The following TTC33 variants were observed in gnomAD, a reference collection of about 807,000 sequenced individuals.
TTC33 encodes the protein tetratricopeptide repeat protein 33.
TTC33 carries 24 observed loss-of-function variants against 29.4 expected under a neutral mutation model. That is an observed-to-expected ratio of 0.82 (90% CI 0.59 to 1.15). The LOEUF (loss-of-function observed/expected upper bound fraction) is 1.15, where lower values mean the gene tolerates loss of function less well. Ranked by LOEUF, TTC33 falls within the 50% of genes most tolerant of loss-of-function variation. The pLI is 0.00. For missense variants in TTC33, 286 were observed against 310.4 expected (o/e 0.92, Z 0.59); for synonymous variants, 107 against 100.3 (o/e 1.07, Z -0.40).
In TTC33 at chr5:40,722,014, A is replaced by T. The variant is rs981176369; in HGVS notation, c.436-5516T>A. The stretch of plus-strand genomic sequence containing the variant: ...ACATTTCTCTAAATGGCTAACAGGT[A>T]TATGAAAAGATGCTCAATATCACTA... On this transcript the variant is annotated intron_variant, in intron 4 of 4. Transcript: ENST00000337702. Among the ~76,000 whole-genome samples, 3 of 152,228 alleles carry T rather than the reference A, an allele frequency of 2.0e-5. 1 individual carries two copies. Among genetic ancestry groups the T allele is most frequent in the African/African-American group, 7.2e-5 (3 of 41,458 alleles).
At chr5:40,732,465 T>C (rs1742454059) in intron 2 of TTC33, among the ~76,000 whole-genome samples, 4 of 151,736 alleles carry the variant, frequency 2.6e-5, no homozygotes, top group African/African-American at 2.4e-5. Flanking sequence ...ATATCAAGTA[T>C]GCCTCCCATT....
chr5:40,744,140 G>T (rs1199927098), intron 2 of TTC33, among the ~76,000 whole-genome samples: 1 of 152,198 alleles, frequency 6.6e-6, no homozygotes, highest in East Asian at 1.9e-4. Flanking sequence ...ATTCATAAAT[G>T]AGGAGAATTT....
intron 3 of TTC33, among the ~76,000 whole-genome samples, chr5:40,729,458 C>G (rs1406943032): frequency 2.0e-5 from 3 of 152,158 alleles, no homozygotes; most frequent in African/African-American, 7.2e-5. Context: ...GACTTTCCTA[C>G]AAAATATTAG....
intron 2 of TTC33, among the ~76,000 whole-genome samples, chr5:40,733,816 A>AAGCTTAAGTTGTCCC (rs1742488255): frequency 6.6e-6 from 1 of 152,208 alleles, no homozygotes; most frequent in Non-Finnish European, 1.5e-5. Context: ...AGTACGAAAT[A>AAGCTTAAGTTGTCCC]AACTAAGAGG....
Position 40,716,403 on chromosome 5 carries a change from C to A in TTC33, c.531G>T (p.Gln177His). The A allele has an allele frequency of 1.2e-6, 2 of 1,613,970 alleles. No individual in the cohort carries two copies. The highest frequency in any genetic ancestry group is 2.2e-5 in the South Asian group (2 of 91,082). The change falls in exon 5 of 5, where the codon CAG (glutamine) becomes CAT (histidine). Residue 177 changes from glutamine (Q) to histidine (H), a missense_variant. Gln to His is a conservative substitution (Grantham distance 24, BLOSUM62 0). Coordinates refer to ENST00000337702, the MANE Select transcript of TTC33 (RefSeq NM_012382.3). ...DLSWARTLQEQQKVAQRIKKS... is the reference protein window; with the variant it reads ...DLSWARTLQEHQKVAQRIKKS... Reference sequence around the variant, plus strand: ...TTTTAATCCTCTGTGCTACCTTCTGCTGCTCCTGGAGCGTTCTTGCCCAAG... The same window carrying A: ...TTTTAATCCTCTGTGCTACCTTCTGATGCTCCTGGAGCGTTCTTGCCCAAG...
At chr5:40,729,169 T>C (rs1742365254) in intron 3 of TTC33, among the ~76,000 whole-genome samples, 1 of 152,228 alleles carries the variant, frequency 6.6e-6, no homozygotes, top group African/African-American at 2.4e-5. Flanking sequence ...CTGTCATTCA[T>C]ATATACATAT....
intron 2 of TTC33, among the ~76,000 whole-genome samples, chr5:40,730,715 T>A (rs1451640508): frequency 6.6e-6 from 1 of 152,132 alleles, no homozygotes; most frequent in African/African-American, 2.4e-5. Flanking sequence ...ATGAAATATA[T>A]GTAAAAATCC....
At chr5:40,723,008 T>C (rs1266911190) in intron 4 of TTC33, among the ~76,000 whole-genome samples, 1 of 152,122 alleles carries the variant, frequency 6.6e-6, no homozygotes, top group African/African-American at 2.4e-5. Flanking sequence ...GGGGGAAATG[T>C]GGGGAAAAGG....
At position 40,738,499 on chromosome 5, in the gene TTC33, C is replaced by CAATAAAATAA. The variant is rs1404803799; in HGVS notation, c.222-8157_222-8156insTTATTTTATT. 2.8e-4 allele frequency among the ~76,000 whole-genome samples: 23 copies of CAATAAAATAA among 80,846 alleles called. No individual in the cohort carries two copies. In the East Asian group the frequency reaches 3.6e-3, roughly 13 times the overall value. 53.0% of individuals were successfully genotyped at this position (80,846 alleles called of 152,430 possible). On this transcript the variant is annotated intron_variant, in intron 2 of 4. Transcript: ENST00000337702. ...CAATACAATACAATACAATACAATA[C>CAATAAAATAA]AATACAATAAAATACAATAAAATAA... is the stretch of plus-strand genomic sequence containing the variant.
chr5:40,725,914 C>T (rs1188959592), intron 4 of TTC33, among the ~76,000 whole-genome samples: 2 of 151,206 alleles, frequency 1.3e-5, no homozygotes, highest in East Asian at 1.9e-4. Context: ...GCCTCCCGAG[C>T]AGCTGGGACT....
At position 40,729,969 on chromosome 5, in the gene TTC33, G is replaced by A. The variant is rs185320650; in HGVS notation, c.303+293C>T. ...CCACCTCGGCCTCCCAAATTGCTGG[G>A]ATTACAGACGTGAGCCATGGCACCT... is the stretch of plus-strand genomic sequence containing the variant. On this transcript the variant is annotated intron_variant, in intron 3 of 4. Coordinates refer to ENST00000337702, the MANE Select transcript of TTC33 (RefSeq NM_012382.3). 4.2e-3 allele frequency among the ~76,000 whole-genome samples: 635 copies of A among 152,298 alleles called. 3 individuals are homozygous for A. The highest frequency in any genetic ancestry group is 0.015 in the African/African-American group (609 of 41,564).
At position 40,726,607 on chromosome 5, in the gene TTC33, A is replaced by G. The variant is rs1226153610; in HGVS notation, c.435+1738T>C. Among the ~76,000 whole-genome samples, 6 of 42,234 alleles carry G rather than the reference A, an allele frequency of 1.4e-4. No homozygotes were observed. In the East Asian group the frequency reaches 2.9e-3, roughly 20 times the overall value. The allele number at this position is 42,234 out of a possible 152,430, so 27.7% of individuals were successfully genotyped here. ...TTTCACAGTATTAATGAATAGAGCC[A>G]TATCAACAGAAAAAAAAAAAGTCGA... On this transcript the variant is annotated intron_variant, in intron 4 of 4. Coordinates refer to ENST00000337702, the MANE Select transcript of TTC33 (RefSeq NM_012382.3).
intron 4 of TTC33, among the ~76,000 whole-genome samples, chr5:40,725,848 C>G (rs543914898): frequency 6.8e-6 from 1 of 147,276 alleles, no homozygotes; most frequent in African/African-American, 2.5e-5. Context: ...TGCAGTGGCG[C>G]GATCTCAGCT....
chr5:40,718,887 C>T (rs568941940), intron 4 of TTC33, among the ~76,000 whole-genome samples: 12 of 151,854 alleles, frequency 7.9e-5, no homozygotes, highest in African/African-American at 2.4e-4. Flanking sequence ...AGCAACAGAG[C>T]GAGACTGTCT....
intron 2 of TTC33, among the ~76,000 whole-genome samples, chr5:40,737,015 G>A (rs944266617): frequency 6.6e-6 from 1 of 152,134 alleles, no homozygotes; most frequent in African/African-American, 2.4e-5. Context: ...GCCACTCAAG[G>A]TTGAGCATGG....
chr5:40,740,570 T>C (rs1762768092), intron 2 of TTC33, among the ~76,000 whole-genome samples: 1 of 152,122 alleles, frequency 6.6e-6, no homozygotes, highest in Non-Finnish European at 1.5e-5. Context: ...TTCTCCACAT[T>C]AACTGGAAGT....
At chr5:40,731,959 A>G (rs1742437348) in intron 2 of TTC33, among the ~76,000 whole-genome samples, 1 of 152,242 alleles carries the variant, frequency 6.6e-6, no homozygotes, top group South Asian at 2.1e-4. Context: ...ACATACAATT[A>G]TTTTCCCAAA....
intron 4 of TTC33, among the ~76,000 whole-genome samples, chr5:40,719,993 T>C (rs1259842212): frequency 6.6e-6 from 1 of 152,238 alleles, no homozygotes; most frequent in Non-Finnish European, 1.5e-5. Context: ...GTGAATTGCC[T>C]TTTCACTTTC....
intron 4 of TTC33, among the ~76,000 whole-genome samples, chr5:40,718,874 C>G (rs1742066148): frequency 6.6e-6 from 1 of 151,988 alleles, no homozygotes; most frequent in Non-Finnish European, 1.5e-5. Context: ...GCACTCCAGC[C>G]TGAGCAACAG....
Sources: gnomAD v4.1 joint callset for allele counts (sites outside exome capture counted in the v4.1 genomes callset) on GRCh38, gnomAD v4.1.1 for gene constraint, MANE v1.5 for transcripts, NCBI Gene and HGNC (gene_info 2026-07-23, HGNC 2026-07-21) for gene names.